Variants in GRM7 observed in about 807,000 individuals in gnomAD.
GRM7 encodes glutamate metabotropic receptor 7.
Under a neutral mutation model 84.5 loss-of-function variants are expected in GRM7, and 35 were observed. The ratio of observed to expected loss-of-function variants is 0.41; its 90% CI spans 0.32 to 0.55. The LOEUF is 0.55. GRM7 is among the 20% of genes least tolerant of loss of function. GRM7 has a pLI of 0.19. For missense variants in GRM7, 1,003 were observed against 1,194.6 expected (o/e 0.84, Z 2.36); for synonymous variants, 487 against 455.1 (o/e 1.07, Z -0.89).
At chr3:7,477,551 G>A (rs1003517691) in intron 7 of GRM7, among the ~76,000 whole-genome samples, 16 of 152,320 alleles carry the variant, frequency 1.1e-4, no homozygotes, top group African/African-American at 3.8e-4. Flanking sequence ...AGTTGTGTTA[G>A]GTGACTTCTT....
At chr3:7,484,657 A>C (rs143406136) in intron 7 of GRM7, among the ~76,000 whole-genome samples, 1 of 152,342 alleles carries the variant, frequency 6.6e-6, no homozygotes, top group Non-Finnish European at 1.5e-5. Flanking sequence ...ACTGGAATAC[A>C]ATAGTAAATA....
chr3:7,137,832 T>A (rs1693819584), intron 1 of GRM7, among the ~76,000 whole-genome samples: 1 of 152,040 alleles, frequency 6.6e-6, no homozygotes, highest in Non-Finnish European at 1.5e-5. Context: ...CCATATAGAC[T>A]CCTGGAGAAA....
intron 4 of GRM7, among the ~76,000 whole-genome samples, chr3:7,358,921 C>T (rs1693530445): frequency 6.8e-6 from 1 of 147,344 alleles, no homozygotes; most frequent in African/African-American, 2.6e-5. Context: ...GGTTTGAGAC[C>T]AGCCTGGGCA....
chr3:7,551,007 AG>A (rs367784397), intron 7 of GRM7, among the ~76,000 whole-genome samples: 1 of 152,322 alleles, frequency 6.6e-6, no homozygotes, highest in Non-Finnish European at 1.5e-5. Context: ...TTAGTTAACT[AG>A]GTAAATTACT....
intron 7 of GRM7, among the ~76,000 whole-genome samples, chr3:7,485,442 A>T (rs1389898335): frequency 1.3e-5 from 2 of 152,224 alleles, no homozygotes; most frequent in Non-Finnish European, 2.9e-5. Flanking sequence ...AGGTTGAGGG[A>T]CCTCATCAGT....
chr3:7,181,848 C>T (rs570844662), intron 2 of GRM7, among the ~76,000 whole-genome samples: 23 of 152,084 alleles, frequency 1.5e-4, no homozygotes, highest in African/African-American at 4.8e-4. Flanking sequence ...TGAGCTCAAG[C>T]GATCCTCCCT....
intron 1 of GRM7, among the ~76,000 whole-genome samples, chr3:7,094,000 C>A (rs572249337): frequency 6.6e-6 from 1 of 152,206 alleles, no homozygotes; most frequent in Admixed American, 6.5e-5. Context: ...ATCTTTCCAT[C>A]TTGCTATTGG....
At chr3:7,639,568 A>G (rs1230261387) in intron 8 of GRM7, among the ~76,000 whole-genome samples, 1 of 152,100 alleles carries the variant, frequency 6.6e-6, no homozygotes, top group Non-Finnish European at 1.5e-5. Flanking sequence ...CCATTTTAAT[A>G]TTATCACCTT....
intron 4 of GRM7, among the ~76,000 whole-genome samples, chr3:7,363,894 C>G (rs1693770383): frequency 6.6e-6 from 1 of 151,870 alleles, no homozygotes; most frequent in Non-Finnish European, 1.5e-5. Context: ...GTTTGTTATT[C>G]TAATTTTCTC....
intron 4 of GRM7, among the ~76,000 whole-genome samples, chr3:7,380,319 A>G (rs1201342732): frequency 6.6e-6 from 1 of 151,974 alleles, no homozygotes; most frequent in Admixed American, 6.6e-5. Context: ...TTAGAACAAT[A>G]AGAAAACACA....
chr3:7,295,912 C>T (rs1384393556), intron 2 of GRM7, among the ~76,000 whole-genome samples: 1 of 151,892 alleles, frequency 6.6e-6, no homozygotes, highest in Non-Finnish European at 1.5e-5. Context: ...TTCTTTTCCC[C>T]TCCTCATTTT....
At chr3:7,234,570 G>A (rs1250206080) in intron 2 of GRM7, among the ~76,000 whole-genome samples, 5 of 152,142 alleles carry the variant, frequency 3.3e-5, no homozygotes, top group Non-Finnish European at 7.4e-5. Context: ...GATAGCACAT[G>A]TATCATCTGT....
chr3:7,168,304 G>A (rs1181885575), intron 2 of GRM7, among the ~76,000 whole-genome samples: 1 of 152,136 alleles, frequency 6.6e-6, no homozygotes, highest in African/African-American at 2.4e-5. Context: ...TCTATGGACT[G>A]AATTCTTTCC....
chr3:7,215,429 C>T (rs879901080), intron 2 of GRM7, among the ~76,000 whole-genome samples: 7 of 151,886 alleles, frequency 4.6e-5, no homozygotes, highest in East Asian at 1.9e-4. Context: ...CTTTTGGAGG[C>T]GGAGGAGGGT....
At chr3:7,446,447 CTTGTTTTTTTTTTT>C (rs1334474273) in intron 5 of GRM7, among the ~76,000 whole-genome samples, 75 of 135,360 alleles carry the variant, frequency 5.5e-4, no homozygotes, top group African/African-American at 1.8e-3. Flanking sequence ...TGTTTTTGGT[CTTGTTTTTTTTTTT>C]TTGTTTTTTT....
At chr3:7,494,147 A>G (rs1699618081) in intron 7 of GRM7, among the ~76,000 whole-genome samples, 3 of 152,168 alleles carry the variant, frequency 2.0e-5, no homozygotes, top group Admixed American at 1.3e-4. Flanking sequence ...CTGTTTAAAG[A>G]GCTCTCTTTC....
intron 1 of GRM7, among the ~76,000 whole-genome samples, chr3:7,071,021 A>G (rs1198221470): frequency 6.6e-6 from 1 of 152,080 alleles, no homozygotes; most frequent in Non-Finnish European, 1.5e-5. Context: ...GGAGAGACAC[A>G]GTGTTTATTT....
chr3:6,951,333 A>G (rs1692753354), intron 1 of GRM7, among the ~76,000 whole-genome samples: 1 of 151,908 alleles, frequency 6.6e-6, no homozygotes, highest in African/African-American at 2.4e-5. Flanking sequence ...CTTTGGGTAT[A>G]GTTTTCTCTT....
intron 2 of GRM7, among the ~76,000 whole-genome samples, chr3:7,245,401 G>A (rs1454650642): frequency 6.6e-6 from 1 of 151,664 alleles, no homozygotes; most frequent in Admixed American, 6.6e-5. Flanking sequence ...ATTGAAGGTA[G>A]GCAAGAAAAG....
Sources: allele counts gnomAD v4.1 joint callset (sites outside exome capture counted in the v4.1 genomes callset), GRCh38; gene constraint gnomAD v4.1.1; transcripts MANE v1.5; gene names NCBI Gene and HGNC (gene_info 2026-07-23, HGNC 2026-07-21).